The following PNPLA3 variants were observed in gnomAD, a reference collection of about 807,000 sequenced individuals.
PNPLA3 encodes the protein patatin like domain 3, 1-acylglycerol-3-phosphate O-acyltransferase, also known as 1-acylglycerol-3-phosphate O-acyltransferase PNPLA3.
In PNPLA3, 42 loss-of-function variants were observed where a neutral mutation model predicts 43.1. The ratio of observed to expected loss-of-function variants is 0.97; its 90% CI spans 0.76 to 1.26. The LOEUF is 1.26. PNPLA3 is among the 50% of genes most tolerant of loss of function. PNPLA3 has a pLI of 0.00. For missense variants in PNPLA3, 647 were observed against 621.4 expected, an observed-to-expected ratio of 1.04 and a Z score of -0.44; for synonymous variants, 272 against 253.6, an observed-to-expected ratio of 1.07 and a Z score of -0.69.
chr22:43,935,910 G>T (rs1189207329), intron 5 of PNPLA3, among the ~76,000 whole-genome samples: 1 of 152,198 alleles, frequency 6.6e-6, no homozygotes, highest in Non-Finnish European at 1.5e-5. Context: ...AGATACCAGT[G>T]TCTAGGAGGC....
At position 43,943,412 on chromosome 22, in the gene PNPLA3, C is replaced by T. The variant is rs186106518; in HGVS notation, c.1113-1279C>T. Among the ~76,000 whole-genome samples, 18 of 152,234 alleles carry T rather than the reference C, an allele frequency of 1.2e-4. No individual in the cohort carries two copies. The East Asian group carries it at 2.5e-3, about 21-fold the overall frequency. ...GGCTGCGGGAAGGATGTCTACTTGG[C>T]GGTGCTACCGCTTTCCTAGAAACCC... On this transcript the variant is annotated intron_variant, in intron 7 of 8. Coordinates refer to ENST00000216180, the MANE Select transcript of PNPLA3 (RefSeq NM_025225.3).
intron 7 of PNPLA3, among the ~76,000 whole-genome samples, chr22:43,942,480 C>G (rs1466387034): frequency 6.6e-6 from 1 of 152,112 alleles, no homozygotes; most frequent in African/African-American, 2.4e-5. Context: ...GGGACTGAGA[C>G]AGTCACATTC....
At chr22:43,941,928 G>A (rs1036547532) in intron 7 of PNPLA3, among the ~76,000 whole-genome samples, 1 of 152,166 alleles carries the variant, frequency 6.6e-6, no homozygotes, top group South Asian at 2.1e-4. Context: ...GAGGAGGTGC[G>A]AGTGCTGATC....
Position 43,946,208 on chromosome 22 carries a change from C to G in PNPLA3, c.1272C>G (p.Asp424Glu), listed in dbSNP as rs1436148522. Reference sequence around the variant, plus strand: ...CCTCCCCATGCACACCTGAGCAGGACTGGCCCTGCTGGACTCCCTGCTCCC... The same window carrying G: ...CCTCCCCATGCACACCTGAGCAGGAGTGGCCCTGCTGGACTCCCTGCTCCC... Reference protein sequence around the residue: ...QQASPCTPEQDWPCWTPCSPK... With the variant: ...QQASPCTPEQEWPCWTPCSPK... The change falls in exon 9 of 9, where the codon GAC becomes GAG. Residue 424 changes from aspartate (D) to glutamate (E), a missense_variant. Transcript: ENST00000216180. 1.9e-6 allele frequency: 3 copies of G among 1,614,214 alleles called. No individual in the cohort carries two copies. The highest frequency in any genetic ancestry group is 2.5e-6 in the Non-Finnish European group (3 of 1,180,038).
At chr22:43,932,813 T>G in intron 3 of PNPLA3, 65 bp from the exon 4 acceptor site, 1 of 1,454,358 alleles carries the variant, frequency 6.9e-7, no homozygotes. Flanking sequence ...TGAAAGCTTG[T>G]TAAGCACTTA....
intron 7 of PNPLA3, 36 bp from the exon 8 acceptor site, chr22:43,944,655 A>T: frequency 6.5e-7 from 1 of 1,538,734 alleles, no homozygotes; most frequent in South Asian, 1.1e-5. Context: ...GTGTCTGCCT[A>T]TGTGTGTGTT....
chr22:43,927,215 T>C (rs2049929805), intron 2 of PNPLA3, 48 bp downstream of exon 2: 2 of 1,560,930 alleles, frequency 1.3e-6, no homozygotes, highest in East Asian at 2.3e-5. Context: ...AAAGCTGTTT[T>C]GGGATGGGTG....
chr22:43,930,525 G>A (rs1400063446), intron 3 of PNPLA3, among the ~76,000 whole-genome samples: 1 of 152,184 alleles, frequency 6.6e-6, no homozygotes, highest in Non-Finnish European at 1.5e-5. Context: ...CAGCAGGAGT[G>A]CACCCAGCAG....
At chr22:43,924,143 C>G in intron 1 of PNPLA3, 45 bp downstream of exon 1, 2 of 1,434,492 alleles carry the variant, frequency 1.4e-6, no homozygotes, top group South Asian at 1.5e-5. Context: ...GGAGTGGGTG[C>G]CCCCTAGGCC....
intron 4 of PNPLA3, among the ~76,000 whole-genome samples, chr22:43,933,313 C>T (rs1301467310): frequency 2.0e-5 from 3 of 152,156 alleles, no homozygotes; most frequent in African/African-American, 7.2e-5. Flanking sequence ...AGATCCACTT[C>T]CCAGGCTGTG....
At position 43,923,935 on chromosome 22, in the gene PNPLA3, G is replaced by C. The variant is rs2146771169; in HGVS notation, c.24G>C (p.Trp8Cys). 1 of 1,578,584 alleles carries C rather than the reference G, an allele frequency of 6.3e-7. No individual in the cohort carries two copies. Among genetic ancestry groups the C allele is most frequent in the Non-Finnish European group, 8.5e-7 (1 of 1,170,926 alleles). The change falls in exon 1 of 9, where the codon TGG (tryptophan) becomes TGC (cysteine). Residue 8 changes from tryptophan (W) to cysteine (C), a missense_variant. Physicochemically the swap from Trp to Cys is radical, Grantham distance 215. Coordinates refer to ENST00000216180, the MANE Select transcript of PNPLA3 (RefSeq NM_025225.3). MYDAERG[W>C]SLSFAGCGFL... is the part of the protein sequence containing the mutation. ...CCATGTACGACGCAGAGCGCGGCTG[G>C]AGCTTGTCCTTCGCGGGCTGCGGCT...
chr22:43,924,043 C>A lies in PNPLA3; in HGVS notation c.132C>A (p.Phe44Leu). The change falls in exon 1 of 9, where the codon TTC becomes TTA. Residue 44 changes from phenylalanine (F) to leucine (L), a missense_variant. Transcript: ENST00000216180. ...TCCTCCGCGACGCGCGCATGTTGTT[C>A]GGCGCTTCGGCCGGGGCGTTGCACT... is the stretch of plus-strand genomic sequence containing the variant. ...PHLLRDARML[F>L]GASAGALHCV... The A allele has an allele frequency of 6.3e-7, 1 of 1,580,192 alleles. No individual in the cohort carries two copies. The highest frequency in any genetic ancestry group is 8.5e-7 in the Non-Finnish European group (1 of 1,172,244).
chr22:43,938,785 A>G (rs1379846578), intron 6 of PNPLA3, among the ~76,000 whole-genome samples: 1 of 152,204 alleles, frequency 6.6e-6, no homozygotes, highest in Non-Finnish European at 1.5e-5. Flanking sequence ...CATTAAAGAG[A>G]GGGAATAAAA....
chr22:43,946,516 G>T lies in PNPLA3; in HGVS notation c.*134G>T. ...AGGATCCCAGCCTCTGAGCTGAGTT[G>T]GTTTTATGAAAAGCTAGGAAGCAAC... On this transcript the variant is annotated 3_prime_UTR_variant, in exon 9 of 9. Transcript: ENST00000216180. The T allele has an allele frequency of 1.1e-6, 1 of 921,346 alleles. No individual in the cohort carries two copies. 57.1% of individuals were successfully genotyped at this position (921,346 alleles called of 1,614,324 possible). A position where few individuals can be genotyped will look rare whatever the true frequency, so the allele number is the denominator to read the frequency against.
intron 7 of PNPLA3, among the ~76,000 whole-genome samples, chr22:43,942,410 A>G (rs1041226310): frequency 5.3e-5 from 8 of 152,176 alleles, no homozygotes; most frequent in East Asian, 1.9e-4. Flanking sequence ...TAGGTTGGCC[A>G]TGTCTAGAAT....
At chr22:43,933,388 T>C (rs1243353797) in intron 4 of PNPLA3, among the ~76,000 whole-genome samples, 1 of 152,138 alleles carries the variant, frequency 6.6e-6, no homozygotes, top group Non-Finnish European at 1.5e-5. Flanking sequence ...ATAAAGATTT[T>C]TTTTTGGTTT....
In PNPLA3 at chr22:43,926,980, G is replaced by T. The variant is rs367826503; in HGVS notation, c.233G>T (p.Ser78Ile). 2.2e-5 allele frequency: 36 copies of T among 1,614,108 alleles called. 1 individual carries two copies. Among genetic ancestry groups the T allele is most frequent in the South Asian group, 3.3e-5 (3 of 91,086 alleles). ...VLSDLVRKARSRNIGIFHPSF... is the reference protein window; with the variant it reads ...VLSDLVRKARIRNIGIFHPSF... ...TCAGATCTTGTGCGGAAGGCCAGGAGTCGGAACATTGGCATCTTCCATCCA... is the reference window on the plus strand; with the variant it reads ...TCAGATCTTGTGCGGAAGGCCAGGATTCGGAACATTGGCATCTTCCATCCA... Residue 78 changes from serine to isoleucine, a missense_variant, in exon 2 of 9, where the codon AGT becomes ATT. Coordinates refer to ENST00000216180, the MANE Select transcript of PNPLA3 (RefSeq NM_025225.3).
At chr22:43,924,876 C>CTGA (rs2049911732) in intron 1 of PNPLA3, among the ~76,000 whole-genome samples, 1 of 152,190 alleles carries the variant, frequency 6.6e-6, no homozygotes, top group South Asian at 2.1e-4. Context: ...TCTCGATCTC[C>CTGA]TGACCTCGTG....
rs1328487998 is a variant in PNPLA3 at position 43,944,795 on chromosome 22, G to T, written c.1217G>T (p.Arg406Met). The T allele has an allele frequency of 6.2e-7, 1 of 1,613,984 alleles. No homozygotes were observed. Among genetic ancestry groups the T allele is most frequent in the South Asian group, 1.1e-5 (1 of 91,084 alleles). Residue 406 changes from arginine to methionine, a missense_variant and splice_region_variant, in exon 8 of 9, where the codon AGG (arginine) becomes ATG (methionine). Coordinates refer to ENST00000216180, the MANE Select transcript of PNPLA3 (RefSeq NM_025225.3). The stretch of plus-strand genomic sequence containing the variant: ...CTGATGTGTCTGCTCCCCGCCTCCA[G>T]GTAAATACTTTGGCTGTGGGTGTGT... Reference protein sequence around the residue: ...RVLMCLLPASRSQMPVSSQQA... With the variant: ...RVLMCLLPASMSQMPVSSQQA...
Sources: gnomAD v4.1 joint callset for allele counts (sites outside exome capture counted in the v4.1 genomes callset) on GRCh38, gnomAD v4.1.1 for gene constraint, MANE v1.5 for transcripts, NCBI Gene and HGNC (gene_info 2026-07-23, HGNC 2026-07-21) for gene names.